TMOD3: variants seen among roughly 807,000 people sequenced by gnomAD.
TMOD3 encodes the protein tropomodulin 3.
In TMOD3, 20 loss-of-function variants were observed where a neutral mutation model predicts 39.2. The ratio of observed to expected loss-of-function variants is 0.51; its 90% confidence interval spans 0.36 to 0.74. The LOEUF (loss-of-function observed/expected upper bound fraction) is 0.74. Among genes scored for constraint, TMOD3 ranks in the 30% least tolerant of loss-of-function variants. The probability of loss-of-function intolerance (pLI) is 0.00; values close to 1 mark genes in which losing one functional copy is unlikely to be tolerated. For synonymous variants in TMOD3, 143 were observed against 145.8 expected, an observed-to-expected ratio of 0.98 and a Z score of 0.14; for missense variants, 381 against 412.8, an observed-to-expected ratio of 0.92 and a Z score of 0.67.
chr15:51,860,156 C>T (rs892178753), intron 1 of TMOD3: 35 of 470,376 alleles, frequency 7.4e-5, no homozygotes, highest in African/African-American at 5.4e-4. Context: ...GTCACCTTGC[C>T]GCATAATCCC....
At position 51,899,665 on chromosome 15, in the gene TMOD3, C is replaced by CA. The variant is rs796730770; in HGVS notation, c.736-476dup. 5.7e-3 allele frequency among the ~76,000 whole-genome samples: 504 copies of CA among 88,510 alleles called. 2 individuals are homozygous for CA. Among genetic ancestry groups the CA allele is most frequent in the African/African-American group, 0.015 (354 of 24,204 alleles). The allele number at this position is 88,510 out of a possible 152,430, so 58.1% of individuals were successfully genotyped here. On this transcript the variant is annotated intron_variant, in intron 7 of 9. Coordinates refer to ENST00000308580, the MANE Select transcript of TMOD3 (RefSeq NM_014547.5). ...TGGGTGACAGGGCAAGACCCTGTCTCAAAAAAAAAAAAAAGAAAGAAAAGT... is the reference window on the plus strand; with the variant it reads ...TGGGTGACAGGGCAAGACCCTGTCTCAAAAAAAAAAAAAAAGAAAGAAAAGT...
intron 1 of TMOD3, among the ~76,000 whole-genome samples, chr15:51,857,230 G>A (rs1041957651): frequency 2.6e-5 from 4 of 152,212 alleles, no homozygotes; most frequent in African/African-American, 9.6e-5. Flanking sequence ...CTGAAGGAAA[G>A]CAAGAGAATG....
At chr15:51,886,738 G>C (rs1458731966) in intron 3 of TMOD3, among the ~76,000 whole-genome samples, 1 of 152,034 alleles carries the variant, frequency 6.6e-6, no homozygotes, top group African/African-American at 2.4e-5. Flanking sequence ...AGAGGGAGAG[G>C]GCTAGAGTAA....
intron 1 of TMOD3, chr15:51,860,479 G>A: frequency 1.8e-6 from 1 of 568,474 alleles, no homozygotes; most frequent in East Asian, 4.6e-5. Context: ...GGATGAAAGT[G>A]CAGTGCCCAA....
intron 5 of TMOD3, among the ~76,000 whole-genome samples, chr15:51,890,555 ACAGTT>A: frequency 6.6e-6 from 1 of 152,054 alleles, no homozygotes; most frequent in Non-Finnish European, 1.5e-5. Context: ...AGCCCTGACA[ACAGTT>A]CTATGAAATA....
intron 1 of TMOD3, among the ~76,000 whole-genome samples, chr15:51,841,964 T>C (rs1043717561): frequency 6.6e-6 from 1 of 151,982 alleles, no homozygotes; most frequent in African/African-American, 2.4e-5. Context: ...GTAGTAGAGA[T>C]GGGGTTTCAC....
At chr15:51,838,221 G>C (rs2056296175) in intron 1 of TMOD3, among the ~76,000 whole-genome samples, 1 of 151,978 alleles carries the variant, frequency 6.6e-6, no homozygotes, top group African/African-American at 2.4e-5. Context: ...ACTCCTCTCT[G>C]TGTAGCTAAT....
intron 5 of TMOD3, among the ~76,000 whole-genome samples, chr15:51,891,239 CTT>C (rs1339795175): frequency 7.6e-6 from 1 of 132,438 alleles, no homozygotes; most frequent in Non-Finnish European, 1.5e-5. Context: ...TCCCCAACCT[CTT>C]TCCTTTTTTT....
chr15:51,859,607 G>A (rs989756535), intron 1 of TMOD3: 9 of 566,724 alleles, frequency 1.6e-5, no homozygotes, highest in African/African-American at 7.6e-5. Flanking sequence ...AGATTGCCTC[G>A]GTGTCTTCTT....
chr15:51,866,008 C>T (rs573692633), intron 2 of TMOD3, among the ~76,000 whole-genome samples: 2 of 152,128 alleles, frequency 1.3e-5, no homozygotes, highest in Non-Finnish European at 2.9e-5. Context: ...AAGAGAGAAA[C>T]GTGTCATTTT....
intron 6 of TMOD3, among the ~76,000 whole-genome samples, chr15:51,895,012 G>A (rs140409848): frequency 2.6e-5 from 4 of 152,188 alleles, no homozygotes; most frequent in South Asian, 4.2e-4. Flanking sequence ...AAATTATCTA[G>A]ATATTAGCCA....
rs2056244001 is a variant in TMOD3 at position 51,829,774 on chromosome 15, C to T, written c.-137C>T. ...GCGGGTGCTGGGAACCGAGCCTCGG[C>T]TTGCGGCCGGCAGTTTCCGTGGGTC... is the stretch of plus-strand genomic sequence containing the variant. On this transcript the variant is annotated 5_prime_UTR_variant, in exon 1 of 10. Transcript: ENST00000308580. The T allele has an allele frequency of 6.6e-6, 1 of 152,452 alleles. No individual in the cohort carries two copies. Among genetic ancestry groups the T allele is most frequent in the Admixed American group, 6.5e-5 (1 of 15,288 alleles). 9.4% of individuals were successfully genotyped at this position (152,452 alleles called of 1,614,324 possible). A position where few individuals can be genotyped will look rare whatever the true frequency, so the allele number is the denominator to read the frequency against.
rs1361088023 is a variant in TMOD3 at position 51,860,316 on chromosome 15, A to T, written c.-74-2495A>T. The T allele has an allele frequency of 1.1e-5, 6 of 535,920 alleles. No individual in the cohort carries two copies. In the Admixed American group the frequency reaches 1.2e-4, roughly 10 times the overall value. The allele number at this position is 535,920 out of a possible 1,614,324, so 33.2% of individuals were successfully genotyped here. A position where few individuals can be genotyped will look rare whatever the true frequency, so the allele number is the denominator to read the frequency against. ...TATGCTTACAGAATTTTCATAGATGATCCGTGCCAATTTGCCCTTAAGGAT... is the reference window on the plus strand; with the variant it reads ...TATGCTTACAGAATTTTCATAGATGTTCCGTGCCAATTTGCCCTTAAGGAT... On this transcript the variant is annotated intron_variant, in intron 1 of 9. Transcript: ENST00000308580.
intron 1 of TMOD3, among the ~76,000 whole-genome samples, chr15:51,833,677 G>GGC (rs2056267263): frequency 6.6e-6 from 1 of 152,166 alleles, no homozygotes; most frequent in South Asian, 2.1e-4. Flanking sequence ...CTATGTTGTT[G>GGC]GCAAGTATCA....
At chr15:51,855,203 C>T (rs1200067909) in intron 1 of TMOD3, among the ~76,000 whole-genome samples, 1 of 152,224 alleles carries the variant, frequency 6.6e-6, no homozygotes, top group Non-Finnish European at 1.5e-5. Flanking sequence ...ATGTAGTTGT[C>T]AGAACTGATG....
At chr15:51,893,579 C>T (rs1369940064) in intron 5 of TMOD3, among the ~76,000 whole-genome samples, 1 of 152,068 alleles carries the variant, frequency 6.6e-6, no homozygotes. Context: ...TCCTGGCTAA[C>T]ATGGTGAAAC....
chr15:51,877,240 T>G (rs1363594830), intron 3 of TMOD3, among the ~76,000 whole-genome samples: 2 of 152,332 alleles, frequency 1.3e-5, no homozygotes, highest in East Asian at 3.9e-4. Flanking sequence ...TTTCTTTGCA[T>G]GTTTGTAATT....
intron 6 of TMOD3, among the ~76,000 whole-genome samples, chr15:51,894,606 C>T (rs956234001): frequency 3.9e-5 from 6 of 152,194 alleles, no homozygotes; most frequent in African/African-American, 1.2e-4. Context: ...CCCTGACAAC[C>T]ACTGACCTAT....
At chr15:51,857,865 TA>T (rs1204702546) in intron 1 of TMOD3, among the ~76,000 whole-genome samples, 2 of 152,184 alleles carry the variant, frequency 1.3e-5, no homozygotes, top group Non-Finnish European at 2.9e-5. Context: ...TTGATATTTT[TA>T]TAAAGGGAAA....
Sources: gnomAD v4.1 joint callset for allele counts (sites outside exome capture counted in the v4.1 genomes callset) on GRCh38, gnomAD v4.1.1 for gene constraint, MANE v1.5 for transcripts, NCBI Gene and HGNC (gene_info 2026-07-23, HGNC 2026-07-21) for gene names.